Variants in THSD4 observed in about 807,000 individuals in gnomAD.
THSD4 encodes thrombospondin type-1 domain-containing protein 4.
THSD4 carries 69 observed loss-of-function variants against 119.0 expected under a neutral mutation model. The ratio of observed to expected loss-of-function variants is 0.58; its 90% CI spans 0.48 to 0.71. The LOEUF is 0.71. Ranked by LOEUF, THSD4 falls within the 30% of genes least tolerant of loss-of-function variation. The pLI is 0.00. For missense variants in THSD4, 1,393 were observed against 1,391.1 expected, an observed-to-expected ratio of 1.00 and a Z score of -0.02; for synonymous variants, 524 against 540.4, an observed-to-expected ratio of 0.97 and a Z score of 0.42.
chr15:71,224,270 A>C (rs1308552094), intron 4 of THSD4, among the ~76,000 whole-genome samples: 1 of 152,192 alleles, frequency 6.6e-6, no homozygotes, highest in Non-Finnish European at 1.5e-5. Flanking sequence ...GGGGAAGTCC[A>C]CAGGCTCCTT....
intron 6 of THSD4, among the ~76,000 whole-genome samples, chr15:71,404,063 T>C (rs1453912002): frequency 6.6e-6 from 1 of 152,238 alleles, no homozygotes; most frequent in African/African-American, 2.4e-5. Flanking sequence ...TCTAGAAAAC[T>C]AATTACTTCT....
intron 6 of THSD4, among the ~76,000 whole-genome samples, chr15:71,305,883 C>G (rs79614107): frequency 0.032 from 4,909 of 152,280 alleles, 137 homozygotes; most frequent in African/African-American, 0.081. Context: ...GAATCTCCAG[C>G]CTTCCAGATT....
intron 15 of THSD4, among the ~76,000 whole-genome samples, chr15:71,760,727 C>T (rs2053614937): frequency 6.6e-6 from 1 of 152,272 alleles, no homozygotes; most frequent in African/African-American, 2.4e-5. Flanking sequence ...CTCATCTCTT[C>T]GCGAATCAGT....
intron 5 of THSD4, among the ~76,000 whole-genome samples, chr15:71,248,991 C>T (rs1275720341): frequency 1.3e-5 from 2 of 152,108 alleles, no homozygotes; most frequent in African/African-American, 4.8e-5. Flanking sequence ...TTATCATCAG[C>T]CTCCTTATCT....
At chr15:71,311,266 A>G (rs1023944287) in intron 6 of THSD4, among the ~76,000 whole-genome samples, 1 of 152,230 alleles carries the variant, frequency 6.6e-6, no homozygotes, top group Non-Finnish European at 1.5e-5. Flanking sequence ...GGGAGTTGTC[A>G]TAGGCCACCT....
chr15:71,446,252 C>T (rs1417728015), intron 7 of THSD4, among the ~76,000 whole-genome samples: 1 of 152,160 alleles, frequency 6.6e-6, no homozygotes, highest in Non-Finnish European at 1.5e-5. Flanking sequence ...TTTCTTTAAA[C>T]CTTCATCATT....
At chr15:71,648,977 G>A (rs1468591237) in intron 7 of THSD4, among the ~76,000 whole-genome samples, 1 of 152,176 alleles carries the variant, frequency 6.6e-6, no homozygotes, top group Non-Finnish European at 1.5e-5. Context: ...TCACCTGCGG[G>A]TGTAATGTGC....
intron 8 of THSD4, among the ~76,000 whole-genome samples, chr15:71,674,285 C>G (rs1481406802): frequency 2.0e-5 from 3 of 152,182 alleles, no homozygotes; most frequent in African/African-American, 7.2e-5. Context: ...TGAAATTGGT[C>G]TTTGCAGAGC....
chr15:71,290,027 G>A (rs1376136901), intron 6 of THSD4, among the ~76,000 whole-genome samples: 1 of 152,128 alleles, frequency 6.6e-6, no homozygotes, highest in Non-Finnish European at 1.5e-5. Context: ...CTTCCCCAGA[G>A]TAGATACACA....
At chr15:71,455,146 A>C (rs964325185) in intron 7 of THSD4, among the ~76,000 whole-genome samples, 1 of 152,158 alleles carries the variant, frequency 6.6e-6, no homozygotes. Context: ...TATTTGTTGG[A>C]GGTCTGCAGA....
At chr15:71,244,774 T>A (rs2044185068) in intron 5 of THSD4, among the ~76,000 whole-genome samples, 2 of 152,256 alleles carry the variant, frequency 1.3e-5, no homozygotes, top group Non-Finnish European at 2.9e-5. Context: ...AGACATGCCC[T>A]TGTTCCTGAA....
intron 6 of THSD4, among the ~76,000 whole-genome samples, chr15:71,302,539 A>G (rs1323388349): frequency 4.0e-5 from 6 of 149,790 alleles, no homozygotes; most frequent in Admixed American, 3.3e-4. Flanking sequence ...CCTCACATCC[A>G]CTTACTTTGA....
chr15:71,370,404 C>T (rs1408328268), intron 6 of THSD4, among the ~76,000 whole-genome samples: 1 of 152,170 alleles, frequency 6.6e-6, no homozygotes, highest in Non-Finnish European at 1.5e-5. Context: ...TTCCTCCTTT[C>T]TCTTGTGGGC....
At chr15:71,564,880 C>G (rs2049204741) in intron 7 of THSD4, among the ~76,000 whole-genome samples, 1 of 149,346 alleles carries the variant, frequency 6.7e-6, no homozygotes. Flanking sequence ...TATATAACAT[C>G]CCCAGCAGGT....
chr15:71,323,178 C>T (rs1393046995), intron 6 of THSD4, among the ~76,000 whole-genome samples: 1 of 150,004 alleles, frequency 6.7e-6, no homozygotes, highest in Non-Finnish European at 1.5e-5. Flanking sequence ...TTACTGTCAT[C>T]ATTCTCTATT....
intron 6 of THSD4, among the ~76,000 whole-genome samples, chr15:71,275,415 G>C (rs756241455): frequency 1.3e-5 from 2 of 152,204 alleles, no homozygotes; most frequent in East Asian, 3.8e-4. Flanking sequence ...TAAATTGGTG[G>C]GGACATGTCC....
intron 7 of THSD4, among the ~76,000 whole-genome samples, chr15:71,526,117 G>A (rs1417907458): frequency 6.6e-6 from 1 of 152,154 alleles, no homozygotes; most frequent in Non-Finnish European, 1.5e-5. Flanking sequence ...GTAGGCTGGG[G>A]ACAATGCCAC....
At chr15:71,650,278 T>C (rs2051057859) in intron 7 of THSD4, among the ~76,000 whole-genome samples, 1 of 152,214 alleles carries the variant, frequency 6.6e-6, no homozygotes, top group Non-Finnish European at 1.5e-5. Flanking sequence ...ATTTACTCTC[T>C]GGCTCTTTAC....
At chr15:71,430,138 T>C (rs2046922247) in intron 7 of THSD4, among the ~76,000 whole-genome samples, 1 of 152,092 alleles carries the variant, frequency 6.6e-6, no homozygotes, top group Non-Finnish European at 1.5e-5. Flanking sequence ...CTTCAGCTTG[T>C]AGGGCCTTAG....
Sources: allele counts gnomAD v4.1 joint callset (sites outside exome capture counted in the v4.1 genomes callset), GRCh38; gene constraint gnomAD v4.1.1; transcripts MANE v1.5; gene names NCBI Gene and HGNC (gene_info 2026-07-23, HGNC 2026-07-21).